GABRB3: variants seen among roughly 807,000 people sequenced by gnomAD.
The protein encoded by GABRB3 is gamma-aminobutyric acid receptor subunit beta-3.
A neutral mutation model predicts 52.1 loss-of-function variants in GABRB3; 14 were observed. The ratio of observed to expected loss-of-function variants is 0.27; its 90% CI spans 0.18 to 0.42. The LOEUF (loss-of-function observed/expected upper bound fraction) is 0.42, where lower values mean the gene tolerates loss of function less well. GABRB3 is among the 10% of genes least tolerant of loss of function. The pLI is 1.00. For synonymous variants in GABRB3, 260 were observed against 232.3 expected (o/e 1.12, Z -1.08); for missense variants, 307 against 609.1 (o/e 0.50, Z 5.22).
chr15:26,663,063 G>A (rs1845806490), intron 3 of GABRB3, among the ~76,000 whole-genome samples: 1 of 152,064 alleles, frequency 6.6e-6, no homozygotes, highest in African/African-American at 2.4e-5. Context: ...ATGTAAACGT[G>A]TGTGTGTGTC....
At chr15:26,694,817 G>A (rs1888687441) in intron 3 of GABRB3, among the ~76,000 whole-genome samples, 1 of 152,146 alleles carries the variant, frequency 6.6e-6, no homozygotes, top group Non-Finnish European at 1.5e-5. Context: ...AATGTGCACA[G>A]TATGCAAGAA....
At position 26,769,645 on chromosome 15, in the gene GABRB3, T is replaced by C. The variant is rs139050204; in HGVS notation, c.240+2757A>G. ...TTCTTTCCTAACCCAGAATATCCTC[T>C]TTCAAGTAAGCCAGTCAGAATTCTA... On this transcript the variant is annotated intron_variant, in intron 3 of 8. Transcript: ENST00000311550. Among the ~76,000 whole-genome samples the C allele has an allele frequency of 2.0e-3, 298 of 152,284 alleles. 1 individual carries two copies. Among genetic ancestry groups the C allele is most frequent in the African/African-American group, 6.3e-3 (262 of 41,558 alleles).
chr15:26,553,616 A>T (rs1387663538), intron 8 of GABRB3: 4 of 152,192 alleles, frequency 2.6e-5, no homozygotes, highest in African/African-American at 4.8e-5. Flanking sequence ...GTGAGATGAA[A>T]AAAAGCCCAG....
At chr15:26,554,190 A>AAAGT (rs1567097853) in intron 8 of GABRB3, among the ~76,000 whole-genome samples, 3 of 31,528 alleles carry the variant, frequency 9.5e-5, no homozygotes, top group African/African-American at 2.6e-4. Flanking sequence ...ATATATATAT[A>AAAGT]CTATATATAT....
chr15:26,572,079 A>G (rs977192424), intron 6 of GABRB3, among the ~76,000 whole-genome samples: 4 of 150,256 alleles, frequency 2.7e-5, no homozygotes, highest in Non-Finnish European at 5.9e-5. Flanking sequence ...GGAAAATGCC[A>G]TTTCCAATCA....
intron 3 of GABRB3, among the ~76,000 whole-genome samples, chr15:26,675,960 A>G (rs1888055846): frequency 6.6e-6 from 1 of 152,174 alleles, no homozygotes; most frequent in Non-Finnish European, 1.5e-5. Flanking sequence ...CCCAAAGGTC[A>G]GGGCCCAGTT....
chr15:26,609,933 C>T (rs1448123638), intron 4 of GABRB3, among the ~76,000 whole-genome samples: 2 of 152,124 alleles, frequency 1.3e-5, no homozygotes, highest in East Asian at 3.9e-4. Flanking sequence ...TTGACCCTCC[C>T]CATCTTCAAA....
intron 8 of GABRB3, among the ~76,000 whole-genome samples, chr15:26,552,004 T>G (rs1298746734): frequency 6.6e-6 from 1 of 152,030 alleles, no homozygotes; most frequent in Non-Finnish European, 1.5e-5. Flanking sequence ...TGGTGAAATT[T>G]TGACTTTTTT....
At chr15:26,656,834 C>T (rs1404088519) in intron 3 of GABRB3, among the ~76,000 whole-genome samples, 2 of 152,178 alleles carry the variant, frequency 1.3e-5, no homozygotes, top group African/African-American at 4.8e-5. Context: ...GGACCCTGTC[C>T]TAAAACACAG....
intron 7 of GABRB3, among the ~76,000 whole-genome samples, chr15:26,561,838 A>T (rs952217860): frequency 6.6e-6 from 1 of 152,242 alleles, no homozygotes; most frequent in Non-Finnish European, 1.5e-5. Flanking sequence ...CTCAACTAAG[A>T]AAGAATCTGT....
Position 26,772,554 on chromosome 15 carries a change from G to A in GABRB3, c.173-85C>T, listed in dbSNP as rs1205376509. ...TGAGGACTGGGGGCTATCCCAGGAG[G>A]GGCGCGGGCGAAGGGCCCCCACTCC... On this transcript the variant is annotated intron_variant, in intron 2 of 8. Coordinates refer to ENST00000311550, the MANE Select transcript of GABRB3 (RefSeq NM_000814.6). 15 of 1,482,524 alleles carry A rather than the reference G, an allele frequency of 1.0e-5. No homozygotes were observed. The East Asian group carries it at 2.3e-4, about 23-fold the overall frequency. 91.8% of individuals were successfully genotyped at this position (1,482,524 alleles called of 1,614,324 possible).
intron 3 of GABRB3, among the ~76,000 whole-genome samples, chr15:26,737,947 T>C (rs911371794): frequency 2.0e-5 from 3 of 152,326 alleles, no homozygotes; most frequent in Admixed American, 6.5e-5. Context: ...AAAACTACAA[T>C]GGGGCACGAG....
At chr15:26,586,583 C>A (rs1462007525) in intron 4 of GABRB3, among the ~76,000 whole-genome samples, 3 of 149,086 alleles carry the variant, frequency 2.0e-5, no homozygotes, top group East Asian at 4.0e-4. Flanking sequence ...CAGGTCTTCT[C>A]ATTCTGTTAT....
At chr15:26,747,597 T>A (rs529188931) in intron 3 of GABRB3, among the ~76,000 whole-genome samples, 5 of 152,246 alleles carry the variant, frequency 3.3e-5, no homozygotes, top group African/African-American at 1.2e-4. Flanking sequence ...AATTCACTTA[T>A]CAGTTCCAGA....
rs2140645774 is a variant in GABRB3, at chr15:26,548,064, C to T, written c.1151G>A (p.Gly384Asp). ...TGCTGAATTCCTGGTATCGCCAATG[C>T]CGCCTGAGACCTCATTCATTTCATT... ...VHNEMNEVSG[G>D]IGDTRNSAIS... is the part of the protein sequence containing the mutation. The change falls in exon 9 of 9, where the codon GGC becomes GAC. Residue 384 changes from glycine to aspartate, a missense_variant. Gly to Asp is a moderately conservative substitution (Grantham distance 94, BLOSUM62 -1). This residue lies in a region of GABRB3 where 115 missense variants were observed against 166.9 expected (regional missense o/e 0.69). Transcript: ENST00000311550. The T allele has an allele frequency of 6.2e-7, 1 of 1,614,138 alleles. No homozygotes were observed. Among genetic ancestry groups the T allele is most frequent in the Non-Finnish European group, 8.5e-7 (1 of 1,180,016 alleles).
intron 3 of GABRB3, among the ~76,000 whole-genome samples, chr15:26,643,015 A>G (rs1415999521): frequency 1.3e-5 from 2 of 151,860 alleles, no homozygotes; most frequent in Non-Finnish European, 2.9e-5. Context: ...AGTCTTTCCC[A>G]TCTGTCCCAT....
intron 3 of GABRB3, among the ~76,000 whole-genome samples, chr15:26,765,006 T>TGTAGTCCCAGCTACTTGGGA (rs1890956832): frequency 1.3e-5 from 2 of 151,666 alleles, no homozygotes; most frequent in Non-Finnish European, 2.9e-5. Context: ...GGCGGGCACC[T>TGTAGTCCCAGCTACTTGGGA]GTAGTCCCAG....
chr15:26,748,540 T>A (rs1401274866), intron 3 of GABRB3, among the ~76,000 whole-genome samples: 1 of 152,184 alleles, frequency 6.6e-6, no homozygotes, highest in African/African-American at 2.4e-5. Flanking sequence ...CTTTTAAGCG[T>A]ATGTGGGATG....
intron 8 of GABRB3, among the ~76,000 whole-genome samples, chr15:26,554,195 A>AAG (rs1567097931): frequency 1.4e-5 from 1 of 71,198 alleles, no homozygotes; most frequent in African/African-American, 5.5e-5. Context: ...TATATACTAT[A>AAG]TATATATATA....
Sources: allele counts gnomAD v4.1 joint callset (sites outside exome capture counted in the v4.1 genomes callset), GRCh38; gene constraint gnomAD v4.1.1; regional missense constraint gnomAD v4.1.1; transcripts MANE v1.5; gene names NCBI Gene and HGNC (gene_info 2026-07-23, HGNC 2026-07-21).